Variants in AUTS2 observed in about 807,000 individuals in gnomAD.
AUTS2 encodes activator of transcription and developmental regulator AUTS2.
AUTS2 carries 17 observed loss-of-function variants against 112.4 expected under a neutral mutation model. The ratio of observed to expected loss-of-function variants is 0.15; its 90% CI spans 0.10 to 0.23. The LOEUF (loss-of-function observed/expected upper bound fraction) is 0.23, where lower values mean the gene tolerates loss of function less well. Among genes scored for constraint, AUTS2 ranks in the 10% least tolerant of loss-of-function variants. The pLI, the probability that AUTS2 is intolerant of heterozygous loss-of-function variation, is 1.00. For synonymous variants in AUTS2, 751 were observed against 702.7 expected (o/e 1.07, Z -1.09); for missense variants, 1,510 against 1,701.6 (o/e 0.89, Z 1.98).
intron 5 of AUTS2, among the ~76,000 whole-genome samples, chr7:70,545,744 C>T (rs13227106): frequency 0.23 from 35,180 of 152,128 alleles, 4,124 homozygotes; most frequent in Middle Eastern, 0.34. Flanking sequence ...TGTCCCTCCC[C>T]CTACTGATAC....
chr7:70,684,539 TGTGGTGTGGC>T (rs1266066549), intron 5 of AUTS2, among the ~76,000 whole-genome samples: 1 of 148,344 alleles, frequency 6.7e-6, no homozygotes, highest in Non-Finnish European at 1.5e-5. Flanking sequence ...CGTGATGTGG[TGTGGTGTGGC>T]GTGGCGTGGC....
At chr7:70,366,036 A>G (rs142107583) in intron 4 of AUTS2, among the ~76,000 whole-genome samples, 58 of 152,334 alleles carry the variant, frequency 3.8e-4, no homozygotes, top group African/African-American at 1.4e-3. Context: ...CAAGTTTAGT[A>G]ACATATCTGA....
chr7:69,866,801 C>G (rs1793254989), intron 1 of AUTS2, among the ~76,000 whole-genome samples: 1 of 152,168 alleles, frequency 6.6e-6, no homozygotes, highest in Non-Finnish European at 1.5e-5. Context: ...TTTCCACCTT[C>G]CCGGGGATTT....
chr7:70,394,942 T>G (rs930798296), intron 4 of AUTS2, among the ~76,000 whole-genome samples: 1 of 152,176 alleles, frequency 6.6e-6, no homozygotes, highest in African/African-American at 2.4e-5. Flanking sequence ...AATAAATGTT[T>G]AAAAGCCACT....
intron 5 of AUTS2, among the ~76,000 whole-genome samples, chr7:70,593,520 A>G (rs1803049105): frequency 6.6e-6 from 1 of 152,112 alleles, no homozygotes. Flanking sequence ...GAGGACCTGC[A>G]TTTCAGTGAT....
chr7:69,827,973 C>T (rs1301258756), intron 1 of AUTS2, among the ~76,000 whole-genome samples: 2 of 152,206 alleles, frequency 1.3e-5, no homozygotes, highest in African/African-American at 4.8e-5. Flanking sequence ...TGCCATGCCT[C>T]AAATCACATT....
At chr7:70,709,048 G>A (rs1408956923) in intron 6 of AUTS2, among the ~76,000 whole-genome samples, 1 of 151,478 alleles carries the variant, frequency 6.6e-6, no homozygotes, top group Non-Finnish European at 1.5e-5. Flanking sequence ...CTCCCGAGTA[G>A]CTGGGATTAC....
At chr7:69,701,737 C>T (rs1038057485) in intron 1 of AUTS2, among the ~76,000 whole-genome samples, 2 of 152,270 alleles carry the variant, frequency 1.3e-5, no homozygotes, top group Admixed American at 6.5e-5. Flanking sequence ...TTATCTCAGT[C>T]TCATAAAAGA....
At chr7:69,668,464 A>T (rs533596018) in intron 1 of AUTS2, among the ~76,000 whole-genome samples, 1 of 152,314 alleles carries the variant, frequency 6.6e-6, no homozygotes, top group East Asian at 1.9e-4. Context: ...AAGGAGGGAA[A>T]CTACCCATCC....
chr7:70,246,950 AT>A (rs1234829258), intron 4 of AUTS2, among the ~76,000 whole-genome samples: 3 of 150,718 alleles, frequency 2.0e-5, no homozygotes, highest in Non-Finnish European at 4.4e-5. Context: ...CAGGTACTTG[AT>A]TTTTTTTGGT....
rs116754936 is a variant in AUTS2 at position 69,710,208 on chromosome 7, A to G, written c.309+110246A>G. The stretch of plus-strand genomic sequence containing the variant: ...TTACTTGTGTGCAGCTTGCAACTGA[A>G]TATCATTGTGAGAGCTATAGTTTGT... On this transcript the variant is annotated intron_variant, in intron 1 of 18. Coordinates refer to ENST00000342771, the MANE Select transcript of AUTS2 (RefSeq NM_015570.4). Among the ~76,000 whole-genome samples the G allele has an allele frequency of 9.8e-3, 1,496 of 152,284 alleles. 31 individuals are homozygous for G. The highest frequency in any genetic ancestry group is 0.034 in the African/African-American group (1,417 of 41,558).
At chr7:70,742,848 C>T (rs1016694390) in intron 6 of AUTS2, among the ~76,000 whole-genome samples, 5 of 152,120 alleles carry the variant, frequency 3.3e-5, no homozygotes, top group Admixed American at 6.6e-5. Flanking sequence ...CCAATAGAAT[C>T]GGAGACTCTT....
intron 4 of AUTS2, among the ~76,000 whole-genome samples, chr7:70,357,395 A>G (rs1189690749): frequency 6.6e-6 from 1 of 152,160 alleles, no homozygotes; most frequent in African/African-American, 2.4e-5. Flanking sequence ...AGCCATTTAA[A>G]ACCTATAATG....
chr7:70,061,667 TTAA>T (rs1458740745), intron 2 of AUTS2, among the ~76,000 whole-genome samples: 1 of 152,198 alleles, frequency 6.6e-6, no homozygotes, highest in Non-Finnish European at 1.5e-5. Context: ...CATGAGATAC[TTAA>T]TAACTTTTAA....
intron 5 of AUTS2, among the ~76,000 whole-genome samples, chr7:70,521,921 G>A (rs535594027): frequency 2.6e-5 from 4 of 152,132 alleles, no homozygotes; most frequent in African/African-American, 7.2e-5. Flanking sequence ...GAGGCTAATA[G>A]TACCCAGCTG....
At chr7:69,954,577 C>T (rs1022498394) in intron 2 of AUTS2, among the ~76,000 whole-genome samples, 1 of 152,138 alleles carries the variant, frequency 6.6e-6, no homozygotes, top group Non-Finnish European at 1.5e-5. Flanking sequence ...CCAGTTGCTG[C>T]GAGAATGGTG....
At chr7:70,079,141 G>T (rs542753444) in intron 2 of AUTS2, among the ~76,000 whole-genome samples, 1 of 152,100 alleles carries the variant, frequency 6.6e-6, no homozygotes, top group Non-Finnish European at 1.5e-5. Flanking sequence ...GTATCTTTAT[G>T]TACCCCTTAC....
chr7:69,912,846 TC>T (rs768627434), intron 2 of AUTS2, among the ~76,000 whole-genome samples: 2 of 152,232 alleles, frequency 1.3e-5, no homozygotes, highest in Non-Finnish European at 2.9e-5. Context: ...GTTTCCTTGT[TC>T]CTTTTACTGT....
At chr7:69,664,309 A>G (rs1795933151) in intron 1 of AUTS2, among the ~76,000 whole-genome samples, 1 of 152,238 alleles carries the variant, frequency 6.6e-6, no homozygotes, top group Admixed American at 6.5e-5. Context: ...GACTAACTGT[A>G]TTAGGAGCTT....
Sources: gnomAD v4.1 joint callset for allele counts (sites outside exome capture counted in the v4.1 genomes callset) on GRCh38, gnomAD v4.1.1 for gene constraint, MANE v1.5 for transcripts, NCBI Gene and HGNC (gene_info 2026-07-23, HGNC 2026-07-21) for gene names.